The following ARHGEF3 variants were observed in gnomAD, a reference collection of about 807,000 sequenced individuals.
The protein encoded by ARHGEF3 is 59.8 kDA protein.
ARHGEF3 carries 28 observed loss-of-function variants against 63.2 expected under a neutral mutation model. The ratio of observed to expected loss-of-function variants is 0.44; its 90% CI spans 0.33 to 0.61. The LOEUF (loss-of-function observed/expected upper bound fraction) is 0.61. Ranked by LOEUF, ARHGEF3 falls within the 20% of genes least tolerant of loss-of-function variation. ARHGEF3 has a pLI of 0.03. For synonymous variants in ARHGEF3, 266 were observed against 254.2 expected, an observed-to-expected ratio of 1.05 and a Z score of -0.44; for missense variants, 533 against 659.3, an observed-to-expected ratio of 0.81 and a Z score of 2.10.
chr3:56,802,626 T>A (rs2037715996), upstream of ARHGEF3, among the ~76,000 whole-genome samples: 1 of 152,176 alleles, frequency 6.6e-6, no homozygotes, highest in African/African-American at 2.4e-5. Flanking sequence ...AACTTTTAAA[T>A]TTGACTAGCA....
At chr3:56,781,469 C>T (rs1041976132) in intron 1 of ARHGEF3, among the ~76,000 whole-genome samples, 9 of 152,098 alleles carry the variant, frequency 5.9e-5, no homozygotes, top group Non-Finnish European at 1.2e-4. Flanking sequence ...CTGGTCTCAA[C>T]TCCTGACCTC....
chr3:56,905,670 T>C (rs1286268491), intron 3 of ARHGEF3, among the ~76,000 whole-genome samples: 3 of 152,238 alleles, frequency 2.0e-5, no homozygotes, highest in African/African-American at 7.2e-5. Flanking sequence ...CCTGCTGTAA[T>C]TTATACTCCT....
chr3:56,882,573 C>T (rs1191641583), intron 3 of ARHGEF3, among the ~76,000 whole-genome samples: 1 of 133,396 alleles, frequency 7.5e-6, no homozygotes, highest in Non-Finnish European at 1.5e-5. Flanking sequence ...GGGTGCGGTG[C>T]GGTGGTCTGA....
chr3:56,746,076 A>G (rs2034367733), intron 6 of ARHGEF3, among the ~76,000 whole-genome samples: 1 of 152,218 alleles, frequency 6.6e-6, no homozygotes. Context: ...CACACTGTGC[A>G]AATACCATGT....
intron 4 of ARHGEF3, among the ~76,000 whole-genome samples, chr3:56,827,781 G>GAAA (rs71072198): frequency 1.8e-5 from 2 of 113,664 alleles, no homozygotes; most frequent in African/African-American, 3.4e-5. Flanking sequence ...AAACAGAAAA[G>GAAA]AAAAAAAAAA....
At chr3:57,002,098 T>C (rs1435565847) in intron 2 of ARHGEF3, among the ~76,000 whole-genome samples, 2 of 151,818 alleles carry the variant, frequency 1.3e-5, no homozygotes, top group African/African-American at 4.8e-5. Context: ...TAATTTTTTG[T>C]ATTTTTAGTA....
At chr3:57,068,164 C>CAT (rs1705669889) in intron 1 of ARHGEF3, among the ~76,000 whole-genome samples, 1 of 53,886 alleles carries the variant, frequency 1.9e-5, no homozygotes, top group Non-Finnish European at 3.7e-5. Flanking sequence ...CGCGCACACA[C>CAT]ACATACACAC....
At chr3:56,873,091 T>G (rs1302790297) in intron 4 of ARHGEF3, among the ~76,000 whole-genome samples, 1 of 152,196 alleles carries the variant, frequency 6.6e-6, no homozygotes, top group African/African-American at 2.4e-5. Flanking sequence ...CTCTGCCTCC[T>G]GGGCTCAGGT....
chr3:56,917,570 C>T (rs1032866259), intron 3 of ARHGEF3, among the ~76,000 whole-genome samples: 4 of 152,130 alleles, frequency 2.6e-5, no homozygotes, highest in South Asian at 2.1e-4. Context: ...TTTCCATTCA[C>T]GTTGCCAGAA....
chr3:56,741,496 C>CTTTTTTT (rs71072191), intron 7 of ARHGEF3, among the ~76,000 whole-genome samples: 6 of 50,536 alleles, frequency 1.2e-4, no homozygotes, highest in East Asian at 6.7e-4. Flanking sequence ...TACATTGGTT[C>CTTTTTTT]TTTTTTTTTT....
intron 3 of ARHGEF3, among the ~76,000 whole-genome samples, chr3:56,950,875 A>C (rs1392192774): frequency 2.0e-5 from 3 of 152,038 alleles, no homozygotes; most frequent in Admixed American, 2.0e-4. Flanking sequence ...ACCTGGAACC[A>C]ACCCAAATGT....
chr3:56,945,339 G>A (rs1032586667), intron 3 of ARHGEF3, among the ~76,000 whole-genome samples: 1 of 152,162 alleles, frequency 6.6e-6, no homozygotes, highest in Non-Finnish European at 1.5e-5. Flanking sequence ...CCCGGGAAGT[G>A]CAAGGGGTCA....
intron 2 of ARHGEF3, among the ~76,000 whole-genome samples, chr3:57,014,693 T>G (rs1055550078): frequency 5.3e-5 from 8 of 151,976 alleles, no homozygotes; most frequent in Non-Finnish European, 8.8e-5. Flanking sequence ...ACTTTTTTTT[T>G]TTTTTGAGAC....
At chr3:57,063,854 G>A (rs1705374419) in intron 1 of ARHGEF3, among the ~76,000 whole-genome samples, 1 of 152,220 alleles carries the variant, frequency 6.6e-6, no homozygotes, top group Admixed American at 6.5e-5. Context: ...AAGAGAATGG[G>A]ATAGCAGCAT....
intron 2 of ARHGEF3, among the ~76,000 whole-genome samples, chr3:56,967,012 C>T (rs111862077): frequency 7.3e-5 from 11 of 150,230 alleles, no homozygotes; most frequent in African/African-American, 2.2e-4. Context: ...TACAGGCATG[C>T]GCCACCATGC....
chr3:56,797,158 T>G (rs577122130), intron 1 of ARHGEF3, among the ~76,000 whole-genome samples: 1 of 152,260 alleles, frequency 6.6e-6, no homozygotes, highest in African/African-American at 2.4e-5. Context: ...GAAACAGGTT[T>G]GGAGAGGCAC....
At chr3:57,011,575 A>G (rs1202193050) in intron 2 of ARHGEF3, among the ~76,000 whole-genome samples, 1 of 151,866 alleles carries the variant, frequency 6.6e-6, no homozygotes, top group Non-Finnish European at 1.5e-5. Flanking sequence ...TTCCCCCGCC[A>G]CCCACAGCAA....
chr3:56,898,513 T>G (rs1174989280), intron 3 of ARHGEF3: 1 of 173,974 alleles, frequency 5.7e-6, no homozygotes, highest in Non-Finnish European at 1.3e-5. Flanking sequence ...CTGGCCAGTC[T>G]TCTTTCTTTA....
At chr3:56,862,970 A>C (rs2040129560) in intron 4 of ARHGEF3, among the ~76,000 whole-genome samples, 2 of 152,262 alleles carry the variant, frequency 1.3e-5, no homozygotes, top group South Asian at 4.2e-4. Flanking sequence ...AGGCAACCTA[A>C]TTAAAGACCG....
Sources: allele counts gnomAD v4.1 joint callset (sites outside exome capture counted in the v4.1 genomes callset), GRCh38; gene constraint gnomAD v4.1.1; transcripts MANE v1.5; gene names NCBI Gene and HGNC (gene_info 2026-07-23, HGNC 2026-07-21).